The following ELF2 variants were observed in gnomAD, a reference collection of about 807,000 sequenced individuals.
ELF2 encodes the protein ETS-related transcription factor Elf-2.
ELF2 carries 11 observed loss-of-function variants against 54.8 expected under a neutral mutation model. The ratio of observed to expected loss-of-function variants is 0.20; its 90% CI spans 0.13 to 0.33. The LOEUF (loss-of-function observed/expected upper bound fraction) is 0.33, where lower values mean the gene tolerates loss of function less well. Among genes scored for constraint, ELF2 ranks in the 10% least tolerant of loss-of-function variants. The probability of loss-of-function intolerance (pLI) is 1.00; values close to 1 mark genes in which losing one functional copy is unlikely to be tolerated. For synonymous variants in ELF2, 203 were observed against 245.1 expected (o/e 0.83, Z 1.61); for missense variants, 513 against 703.0 (o/e 0.73, Z 3.06).
intron 1 of ELF2, among the ~76,000 whole-genome samples, chr4:139,164,156 AAAG>A (rs1272698187): frequency 3.4e-5 from 5 of 148,682 alleles, no homozygotes; most frequent in Admixed American, 6.7e-5. Context: ...AGAAAGAAAG[AAAG>A]AAGGAAAAGA....
chr4:139,157,221 T>C (rs1655669726), intron 1 of ELF2, among the ~76,000 whole-genome samples: 1 of 152,206 alleles, frequency 6.6e-6, no homozygotes. Flanking sequence ...AAAGTATTTG[T>C]GTATCTAAAC....
At chr4:139,116,788 T>A in intron 4 of ELF2, 2 of 929,828 alleles carry the variant, frequency 2.2e-6, no homozygotes, top group African/African-American at 1.8e-5. Context: ...AGGAGTCCTT[T>A]TGTGCCACAG....
At chr4:139,123,000 T>C (rs567298431) in intron 4 of ELF2, among the ~76,000 whole-genome samples, 1 of 151,766 alleles carries the variant, frequency 6.6e-6, no homozygotes, top group South Asian at 2.1e-4. Flanking sequence ...CTGGCCAACA[T>C]GGTGAAACCC....
chr4:139,074,684 T>C (rs1730031520), intron 4 of ELF2, among the ~76,000 whole-genome samples: 1 of 149,572 alleles, frequency 6.7e-6, no homozygotes, highest in Non-Finnish European at 1.5e-5. Context: ...CGCTTGAACC[T>C]GGGAGGCGGA....
chr4:139,121,127 G>GTCGCCC (rs1736279260), intron 4 of ELF2, among the ~76,000 whole-genome samples: 1 of 22,730 alleles, frequency 4.4e-5, no homozygotes, highest in Non-Finnish European at 9.1e-5. Flanking sequence ...TTTTTTTTTT[G>GTCGCCC]AGACGGAGTC....
At chr4:139,122,029 T>G (rs1206637242) in intron 4 of ELF2, among the ~76,000 whole-genome samples, 1 of 152,110 alleles carries the variant, frequency 6.6e-6, no homozygotes, top group Non-Finnish European at 1.5e-5. Context: ...CAAATGACAA[T>G]AGAACACTGT....
chr4:139,140,101 T>G (rs915221794), intron 1 of ELF2, among the ~76,000 whole-genome samples: 5 of 152,148 alleles, frequency 3.3e-5, no homozygotes, highest in African/African-American at 9.7e-5. Flanking sequence ...AGGTCAGTAT[T>G]TCTTACTTTT....
At position 139,134,589 on chromosome 4, in the gene ELF2, T is replaced by TA. The variant is rs368059048; in HGVS notation, c.72+3040_72+3041insT. Among the ~76,000 whole-genome samples the TA allele has an allele frequency of 2.8e-3, 50 of 18,072 alleles. No homozygotes were observed. The Middle Eastern group carries it at 0.17, about 60-fold the overall frequency. The allele number at this position is 18,072 out of a possible 152,430, so 11.9% of individuals were successfully genotyped here. ...GTTATTTTATTTTATGTTATATTTA[T>TA]TTTATTTTATTTTATTTTATTTTAT... On this transcript the variant is annotated intron_variant, in intron 3 of 9. Transcript: ENST00000686138.
intron 1 of ELF2, among the ~76,000 whole-genome samples, chr4:139,153,798 C>A (rs746747558): frequency 2.0e-5 from 3 of 152,210 alleles, no homozygotes; most frequent in Non-Finnish European, 4.4e-5. Context: ...TGACTGATTC[C>A]TCTGTTTACT....
At chr4:139,125,105 T>C (rs896664778) in intron 4 of ELF2, 59 bp downstream of exon 4, 24 of 1,560,078 alleles carry the variant, frequency 1.5e-5, no homozygotes, top group Non-Finnish European at 1.9e-5. Context: ...GGCAATAGTA[T>C]TGTTGAAGCT....
At chr4:139,176,605 G>T (rs1742953400) in intron 1 of ELF2, among the ~76,000 whole-genome samples, 1 of 152,072 alleles carries the variant, frequency 6.6e-6, no homozygotes, top group Admixed American at 6.5e-5. Flanking sequence ...GGTGACTCGC[G>T]CAGAGATGTA....
chr4:139,064,301 C>A (rs761295052), intron 7 of ELF2, among the ~76,000 whole-genome samples: 14 of 152,146 alleles, frequency 9.2e-5, no homozygotes, highest in Non-Finnish European at 2.1e-4. Context: ...AGCGACAGAA[C>A]GAGACTCCGT....
At chr4:139,083,682 C>T (rs1731508511) in intron 4 of ELF2, among the ~76,000 whole-genome samples, 1 of 152,248 alleles carries the variant, frequency 6.6e-6, no homozygotes, top group Non-Finnish European at 1.5e-5. Context: ...GCCGGAGAAG[C>T]CCGCCGCCCC....
intron 4 of ELF2, among the ~76,000 whole-genome samples, chr4:139,084,979 A>G (rs1731812960): frequency 6.6e-6 from 1 of 152,208 alleles, no homozygotes; most frequent in South Asian, 2.1e-4. Context: ...TATTTAGTAA[A>G]CAGAACACAC....
chr4:139,159,301 C>T (rs943031525), intron 1 of ELF2, among the ~76,000 whole-genome samples: 3 of 152,064 alleles, frequency 2.0e-5, no homozygotes, highest in Admixed American at 6.6e-5. Flanking sequence ...TAGATTTCCA[C>T]GACAGAAAGG....
chr4:139,131,914 G>GA (rs1737527455), intron 3 of ELF2, among the ~76,000 whole-genome samples: 1 of 152,106 alleles, frequency 6.6e-6, no homozygotes, highest in Non-Finnish European at 1.5e-5. Flanking sequence ...TACTGGCATG[G>GA]AAAAATATCC....
chr4:139,169,441 G>C (rs980085709), intron 1 of ELF2, among the ~76,000 whole-genome samples: 21 of 151,460 alleles, frequency 1.4e-4, no homozygotes, highest in African/African-American at 4.9e-4. Context: ...AAATACTTCT[G>C]CAAGGACATC....
intron 3 of ELF2, among the ~76,000 whole-genome samples, chr4:139,130,751 T>TA (rs1445852293): frequency 1.3e-5 from 2 of 152,196 alleles, no homozygotes; most frequent in Non-Finnish European, 2.9e-5. Context: ...TCATATAAAC[T>TA]AAAGTGGCAT....
chr4:139,137,580 G>C, intron 3 of ELF2, 50 bp downstream of exon 3: 1 of 1,568,432 alleles, frequency 6.4e-7, no homozygotes, highest in Non-Finnish European at 8.8e-7. Flanking sequence ...ATTAGTTCAT[G>C]CACAAATTTC....
Sources: gnomAD v4.1 joint callset for allele counts (sites outside exome capture counted in the v4.1 genomes callset) on GRCh38, gnomAD v4.1.1 for gene constraint, MANE v1.5 for transcripts, NCBI Gene and HGNC (gene_info 2026-07-23, HGNC 2026-07-21) for gene names.